The following SHROOM3 variants were observed in gnomAD, a reference collection of about 807,000 sequenced individuals.
SHROOM3 encodes the protein shroom family member 3, also known as protein Shroom3.
In SHROOM3, 47 loss-of-function variants were observed where a neutral mutation model predicts 138.6. The ratio of observed to expected loss-of-function variants is 0.34; its 90% confidence interval spans 0.27 to 0.43. SHROOM3 has a LOEUF of 0.43. Among genes scored for constraint, SHROOM3 ranks in the 20% least tolerant of loss-of-function variants. SHROOM3 has a pLI of 1.00. For missense variants in SHROOM3, 2,491 were observed against 2,596.5 expected (o/e 0.96, Z 0.88); for synonymous variants, 1,062 against 1,063.3 (o/e 1.00, Z 0.02).
intron 1 of SHROOM3, among the ~76,000 whole-genome samples, chr4:76,464,559 CA>C (rs1731211161): frequency 6.6e-6 from 1 of 152,092 alleles, no homozygotes; most frequent in Non-Finnish European, 1.5e-5. Flanking sequence ...GTGAGAAGGA[CA>C]TGAGATTTTG....
chr4:76,765,894 A>G (rs1722139229), intron 9 of SHROOM3, among the ~76,000 whole-genome samples: 1 of 152,220 alleles, frequency 6.6e-6, no homozygotes. Context: ...TCAACAGTGG[A>G]AAGAAACAAG....
At chr4:76,516,459 A>G (rs1370321755) in intron 1 of SHROOM3, among the ~76,000 whole-genome samples, 4 of 152,104 alleles carry the variant, frequency 2.6e-5, no homozygotes, top group Non-Finnish European at 4.4e-5. Flanking sequence ...GTTCCCTTGT[A>G]AGACCATCAG....
At chr4:76,447,180 T>C (rs1730824037) in intron 1 of SHROOM3, among the ~76,000 whole-genome samples, 1 of 152,246 alleles carries the variant, frequency 6.6e-6, no homozygotes. Context: ...TTAAAAATCA[T>C]TGTGACATGA....
intron 2 of SHROOM3, among the ~76,000 whole-genome samples, chr4:76,571,735 G>A (rs1031231432): frequency 2.6e-5 from 4 of 152,086 alleles, no homozygotes; most frequent in Non-Finnish European, 4.4e-5. Context: ...CTGAAATGTT[G>A]TAACATTCAT....
intron 2 of SHROOM3, among the ~76,000 whole-genome samples, chr4:76,696,114 A>G (rs1207176726): frequency 6.6e-6 from 1 of 152,214 alleles, no homozygotes; most frequent in African/African-American, 2.4e-5. Context: ...CTGGAAGAAG[A>G]ACCTACAAGG....
At chr4:76,672,546 A>T (rs1718915571) in intron 2 of SHROOM3, among the ~76,000 whole-genome samples, 1 of 151,894 alleles carries the variant, frequency 6.6e-6, no homozygotes, top group South Asian at 2.1e-4. Context: ...AAAGCTACTG[A>T]TATGTCACCA....
chr4:76,719,139 G>A (rs1212050895), intron 3 of SHROOM3, among the ~76,000 whole-genome samples: 1 of 152,012 alleles, frequency 6.6e-6, no homozygotes, highest in African/African-American at 2.4e-5. Context: ...AGTAATTCAG[G>A]GGCACACACA....
intron 2 of SHROOM3, among the ~76,000 whole-genome samples, chr4:76,662,946 A>T (rs1718580862): frequency 6.6e-6 from 1 of 151,632 alleles, no homozygotes; most frequent in African/African-American, 2.4e-5. Flanking sequence ...GGAGGGAGAG[A>T]GGGAGAGAGG....
Position 76,741,808 on chromosome 4 carries a change from G to T in SHROOM3, c.3635G>T (p.Trp1212Leu). ...GDETPREPSSWGARAGKSMSA... is the reference protein window; with the variant it reads ...GDETPREPSSLGARAGKSMSA... ...GAGACCCCCAGGGAGCCATCCTCCT[G>T]GGGGGCCAGGGCCGGGAAGTCCATG... is the stretch of plus-strand genomic sequence containing the variant. The change falls in exon 5 of 11, where the codon TGG becomes TTG. Residue 1212 changes from tryptophan (W) to leucine (L), a missense_variant. This residue lies in a region of SHROOM3 where 1,733 missense variants were observed against 1,661.6 expected (regional missense o/e 1.04). Coordinates refer to ENST00000296043, the MANE Select transcript of SHROOM3 (RefSeq NM_020859.4). This position sits in a 1 kb window ranked among gnomAD's most constrained non-coding sequence, Gnocchi z 6.2. The T allele has an allele frequency of 1.3e-6, 2 of 1,586,618 alleles. No homozygotes were observed. The highest frequency in any genetic ancestry group is 1.7e-6 in the Non-Finnish European group (2 of 1,166,966).
At chr4:76,494,266 T>A (rs1339388534) in intron 1 of SHROOM3, among the ~76,000 whole-genome samples, 4 of 152,222 alleles carry the variant, frequency 2.6e-5, no homozygotes, top group Admixed American at 1.3e-4. Context: ...AGGTGTTATT[T>A]ATGCTCATCA....
At position 76,740,845 on chromosome 4, in the gene SHROOM3, C is replaced by A; in HGVS notation, c.2672C>A (p.Thr891Asn). ...GCTCGGCTCCTCCGTAGCCAGAGCA[C>A]CTTCCAGCTCTCCAGCGAGCCAGAG... ...PDARLLRSQS[T>N]FQLSSEPERE... Residue 891 changes from threonine (T) to asparagine (N), a missense_variant, in exon 5 of 11, where the codon ACC (threonine) becomes AAC (asparagine). By Grantham distance (65) the Thr-to-Asn change is moderately conservative (BLOSUM62 0). Transcript: ENST00000296043. The surrounding 1 kb of genome is among the most constrained non-coding windows in gnomAD (Gnocchi z 4.0). The A allele has an allele frequency of 1.3e-6, 2 of 1,575,492 alleles. No individual in the cohort carries two copies. The highest frequency in any genetic ancestry group is 1.7e-6 in the Non-Finnish European group (2 of 1,162,516).
At chr4:76,682,840 A>C (rs567262292) in intron 2 of SHROOM3, among the ~76,000 whole-genome samples, 1 of 152,356 alleles carries the variant, frequency 6.6e-6, no homozygotes, top group South Asian at 2.1e-4. Context: ...TCCAGGAAAG[A>C]AAAGGGTATA....
At chr4:76,485,702 C>G (rs1197061583) in intron 1 of SHROOM3, among the ~76,000 whole-genome samples, 1 of 152,084 alleles carries the variant, frequency 6.6e-6, no homozygotes, top group African/African-American at 2.4e-5. Flanking sequence ...GCCTCTTTGT[C>G]CTTTCCCAAG....
chr4:76,767,094 G>T (rs901191143), intron 9 of SHROOM3, among the ~76,000 whole-genome samples: 8 of 152,208 alleles, frequency 5.3e-5, no homozygotes, highest in African/African-American at 1.9e-4. Context: ...CAGGGTCTGG[G>T]AAGGAAAGAT....
intron 1 of SHROOM3, among the ~76,000 whole-genome samples, chr4:76,442,627 T>C (rs1730718517): frequency 6.6e-6 from 1 of 152,006 alleles, no homozygotes; most frequent in African/African-American, 2.4e-5. Context: ...GCCAGGATGG[T>C]CTCGATCTCC....
chr4:76,647,748 T>G (rs1399326852), intron 2 of SHROOM3, among the ~76,000 whole-genome samples: 1 of 151,790 alleles, frequency 6.6e-6, no homozygotes. Flanking sequence ...ATACAAAAAT[T>G]AGCTGGATGT....
Position 76,780,047 on chromosome 4 carries a change from A to G in SHROOM3, c.*870A>G, listed in dbSNP as rs908830958. 2 of 152,236 alleles carry G rather than the reference A, an allele frequency of 1.3e-5. No individual in the cohort carries two copies. Among genetic ancestry groups the G allele is most frequent in the African/African-American group, 4.8e-5 (2 of 41,470 alleles). The allele number at this position is 152,236 out of a possible 1,614,324, so 9.4% of individuals were successfully genotyped here. On this transcript the variant is annotated 3_prime_UTR_variant, in exon 11 of 11. Coordinates refer to ENST00000296043, the MANE Select transcript of SHROOM3 (RefSeq NM_020859.4). ...ACTCTCAGACCTATATAATAGGAGG[A>G]GGACGTCCAGAATCCAACAAAATTC...
At position 76,739,898 on chromosome 4, in the gene SHROOM3, C is replaced by T; in HGVS notation, c.1725C>T (p.Leu575=). The T allele has an allele frequency of 1.2e-6, 2 of 1,614,212 alleles. No homozygotes were observed. The highest frequency in any genetic ancestry group is 1.7e-6 in the Non-Finnish European group (2 of 1,180,048). The change falls in exon 5 of 11, where the codon CTC becomes CTT. Residue 575 remains leucine, a synonymous_variant. Coordinates refer to ENST00000296043, the MANE Select transcript of SHROOM3 (RefSeq NM_020859.4). ...NEEDASLKRH[L]TPPQGNSPHS... is the part of the protein sequence containing the mutation. ...AGGATGCCTCCCTGAAGAGACATCT[C>T]ACACCTCCCCAAGGCAACAGCCCAC...
chr4:76,780,465 TTTG>T lies in SHROOM3; in HGVS notation c.*1292_*1294del, dbSNP rs1722704357. 6.6e-6 allele frequency: 1 copy of T among 152,050 alleles called. No individual in the cohort carries two copies. The highest frequency in any genetic ancestry group is 1.5e-5 in the Non-Finnish European group (1 of 68,018). The allele number at this position is 152,050 out of a possible 1,614,324, so 9.4% of individuals were successfully genotyped here. On this transcript the variant is annotated 3_prime_UTR_variant, in exon 11 of 11. Coordinates refer to ENST00000296043, the MANE Select transcript of SHROOM3 (RefSeq NM_020859.4). The stretch of plus-strand genomic sequence containing the variant: ...GTTTGATCTGTGGCTGGTGGCCACC[TTTG>T]TTGATTTGGGCTTACGAGTTTCATA...
Sources: allele counts gnomAD v4.1 joint callset (sites outside exome capture counted in the v4.1 genomes callset), GRCh38; gene constraint gnomAD v4.1.1; regional missense constraint gnomAD v4.1.1; non-coding constraint Gnocchi (gnomAD v3.1); transcripts MANE v1.5; gene names NCBI Gene and HGNC (gene_info 2026-07-23, HGNC 2026-07-21).